PCBP3: variants seen among roughly 807,000 people sequenced by gnomAD.
The protein encoded by PCBP3 is poly(rC)-binding protein 3.
A neutral mutation model predicts 52.7 loss-of-function variants in PCBP3; 25 were observed. That is an observed-to-expected ratio of 0.47 (90% CI 0.35 to 0.66). PCBP3 has a LOEUF of 0.66. PCBP3 is among the 30% of genes least tolerant of loss of function. The pLI is 0.01. For synonymous variants in PCBP3, 162 were observed against 183.0 expected, an observed-to-expected ratio of 0.89 and a Z score of 0.93; for missense variants, 391 against 490.3, an observed-to-expected ratio of 0.80 and a Z score of 1.91.
intron 4 of PCBP3, among the ~76,000 whole-genome samples, chr21:45,784,953 G>A (rs1324537737): frequency 6.6e-6 from 1 of 150,376 alleles, no homozygotes; most frequent in Admixed American, 6.6e-5. Context: ...CCCTCTGCCT[G>A]GCTGCCCAGT....
At chr21:45,901,299 G>A (rs2096030381) in intron 9 of PCBP3, 186 bp downstream of exon 9, 1 of 574,918 alleles carries the variant, frequency 1.7e-6, no homozygotes, top group Non-Finnish European at 3.1e-6. Context: ...CCAGTCAGGG[G>A]CCAGTGTCTC....
intron 1 of PCBP3, among the ~76,000 whole-genome samples, chr21:45,648,366 A>G (rs1391104260): frequency 6.6e-6 from 1 of 152,218 alleles, no homozygotes; most frequent in Non-Finnish European, 1.5e-5. Context: ...TTCAGCCCAG[A>G]TAAGCATAGT....
intron 4 of PCBP3, among the ~76,000 whole-genome samples, chr21:45,840,272 GA>G (rs2093671772): frequency 6.6e-6 from 1 of 151,400 alleles, no homozygotes; most frequent in Non-Finnish European, 1.5e-5. Context: ...CTAACATGGT[GA>G]AACCCTGTCT....
intron 16 of PCBP3, among the ~76,000 whole-genome samples, chr21:45,937,439 C>T (rs1397462117): frequency 1.3e-5 from 2 of 152,220 alleles, no homozygotes; most frequent in Non-Finnish European, 2.9e-5. Flanking sequence ...GCTCATGCCC[C>T]TTTCCTTGGT....
intron 5 of PCBP3, among the ~76,000 whole-genome samples, chr21:45,866,271 G>A (rs543150504): frequency 1.3e-5 from 2 of 152,344 alleles, no homozygotes; most frequent in East Asian, 3.9e-4. Context: ...GGCACAGCCT[G>A]TGCTGTTCAG....
chr21:45,934,024 T>G (rs2076610821), intron 15 of PCBP3, among the ~76,000 whole-genome samples: 1 of 151,370 alleles, frequency 6.6e-6, no homozygotes, highest in Non-Finnish European at 1.5e-5. Flanking sequence ...CCATTGGAGG[T>G]GCATTTTGGG....
chr21:45,923,109 G>A (rs148764861), intron 13 of PCBP3, among the ~76,000 whole-genome samples: 316 of 152,366 alleles, frequency 2.1e-3, no homozygotes, highest in African/African-American at 7.2e-3. Context: ...AAGGGCACGC[G>A]TGGGCTCTTG....
intron 5 of PCBP3, among the ~76,000 whole-genome samples, chr21:45,862,551 G>C (rs2148470356): frequency 6.6e-6 from 1 of 151,980 alleles, no homozygotes; most frequent in South Asian, 2.1e-4. Context: ...TTTTTCTTTT[G>C]CATGTACACA....
At position 45,724,570 on chromosome 21, in the gene PCBP3, C is replaced by A. The variant is rs142019141; in HGVS notation, c.-199-10822C>A. Among the ~76,000 whole-genome samples the A allele has an allele frequency of 1.3e-5, 2 of 152,140 alleles. No homozygotes were observed. Among genetic ancestry groups the A allele is most frequent in the Admixed American group, 6.5e-5 (1 of 15,274 alleles). On this transcript the variant is annotated intron_variant, in intron 2 of 17. Transcript: ENST00000681687. The surrounding 1 kb of genome is among the most constrained non-coding windows in gnomAD (Gnocchi z 5.3). ...TGGCGGGCCAGGCTGCTCTGTAACA[C>A]GAACATTAAAACTGATTTGAGGTGT... is the stretch of plus-strand genomic sequence containing the variant.
intron 2 of PCBP3, among the ~76,000 whole-genome samples, chr21:45,732,481 C>A (rs1603345824): frequency 6.9e-6 from 1 of 144,098 alleles, no homozygotes; most frequent in African/African-American, 2.6e-5. Flanking sequence ...CATAATGTTT[C>A]TTTTTTACTG....
chr21:45,821,931 C>G lies in PCBP3; in HGVS notation c.-125-28030C>G, dbSNP rs1051646050. On this transcript the variant is annotated intron_variant, in intron 4 of 17. Transcript: ENST00000681687. The surrounding 1 kb of genome is among the most constrained non-coding windows in gnomAD (Gnocchi z 4.4). ...TCACTCGGCGTTTCCGACACCTGCT[C>G]TCATCATTTTCCTACCTTCTCTTTC... 4.4e-4 allele frequency among the ~76,000 whole-genome samples: 67 copies of G among 152,224 alleles called. No homozygotes were observed. Among genetic ancestry groups the G allele is most frequent in the African/African-American group, 1.6e-3 (66 of 41,464 alleles).
chr21:45,717,900 GGTT>G (rs375524398), intron 2 of PCBP3, among the ~76,000 whole-genome samples: 44 of 152,228 alleles, frequency 2.9e-4, no homozygotes, highest in African/African-American at 1.0e-3. Flanking sequence ...GTTTGTGAGG[GGTT>G]GTTGTTAATT....
rs1012784698 is a variant in PCBP3, at chr21:45,825,203, C to T, written c.-125-24758C>T. ...GGTCTTGGTGGTTCAGGGATGTTTG[C>T]GAGCTCCTGAGTGACTCCGAAGTAA... On this transcript the variant is annotated intron_variant, in intron 4 of 17. Coordinates refer to ENST00000681687, the MANE Select transcript of PCBP3 (RefSeq NM_001384156.1). 2.5e-4 allele frequency among the ~76,000 whole-genome samples: 38 copies of T among 152,238 alleles called. 1 individual carries two copies. The highest frequency in any genetic ancestry group is 1.4e-3 in the East Asian group (7 of 5,174).
chr21:45,784,509 G>C (rs1016837810), intron 4 of PCBP3, among the ~76,000 whole-genome samples: 4 of 151,754 alleles, frequency 2.6e-5, no homozygotes, highest in South Asian at 2.1e-4. Context: ...CTCTGATGCC[G>C]AGCCGAAGCT....
intron 1 of PCBP3, among the ~76,000 whole-genome samples, chr21:45,667,547 A>T (rs527652281): frequency 6.6e-6 from 1 of 152,030 alleles, no homozygotes; most frequent in Admixed American, 6.5e-5. Context: ...TTGTTTCTTT[A>T]TTGATATCTG....
rs2093393253 is a variant in PCBP3, at chr21:45,829,525, A to G, written c.-125-20436A>G. 6.6e-6 allele frequency: 1 copy of G among 152,226 alleles called. No individual in the cohort carries two copies. The highest frequency in any genetic ancestry group is 6.5e-5 in the Admixed American group (1 of 15,292). The allele number at this position is 152,226 out of a possible 1,614,324, so 9.4% of individuals were successfully genotyped here. On this transcript the variant is annotated intron_variant, in intron 4 of 17. Coordinates refer to ENST00000681687, the MANE Select transcript of PCBP3 (RefSeq NM_001384156.1). This position sits in a 1 kb window ranked among gnomAD's most constrained non-coding sequence, Gnocchi z 5.2. ...CCAGTGTCTCTTGCAGTGTTTTCTGAACATTTTGTGGCCTAGCGGTACCAG... is the reference window on the plus strand; with the variant it reads ...CCAGTGTCTCTTGCAGTGTTTTCTGGACATTTTGTGGCCTAGCGGTACCAG...
intron 1 of PCBP3, among the ~76,000 whole-genome samples, chr21:45,650,514 TATC>T (rs1043450809): frequency 2.6e-5 from 4 of 152,082 alleles, no homozygotes; most frequent in Non-Finnish European, 1.5e-5. Flanking sequence ...GTAGTGGTGC[TATC>T]ATATCCTACT....
rs374818511 is a variant in PCBP3, at chr21:45,910,506, A to G, written c.472-396A>G. Among the ~76,000 whole-genome samples the G allele has an allele frequency of 8.5e-5, 13 of 152,220 alleles. No individual in the cohort carries two copies. In the East Asian group the frequency reaches 2.0e-3, roughly 23 times the overall value. ...CAAGGAAAGCCTGAATCCTTGCCCT[A>G]TGCAGCAGGGCAGCTGCCCCAATCT... On this transcript the variant is annotated intron_variant, in intron 10 of 17. Transcript: ENST00000681687.
chr21:45,645,785 G>T (rs1012173043), intron 1 of PCBP3, among the ~76,000 whole-genome samples: 1 of 152,178 alleles, frequency 6.6e-6, no homozygotes, highest in Admixed American at 6.5e-5. Context: ...TTTTACAAAA[G>T]TCTCATGGCT....
Sources: gnomAD v4.1 joint callset for allele counts (sites outside exome capture counted in the v4.1 genomes callset) on GRCh38, gnomAD v4.1.1 for gene constraint, Gnocchi (gnomAD v3.1) non-coding constraint, MANE v1.5 for transcripts, NCBI Gene and HGNC (gene_info 2026-07-23, HGNC 2026-07-21) for gene names.